WDR1: variants seen among roughly 807,000 people sequenced by gnomAD.
WDR1 encodes the protein WD repeat-containing protein 1.
Under a neutral mutation model 71.9 loss-of-function variants are expected in WDR1, and 21 were observed. The ratio of observed to expected loss-of-function variants is 0.29; its 90% CI spans 0.21 to 0.42. The LOEUF (loss-of-function observed/expected upper bound fraction) is 0.42, where lower values mean the gene tolerates loss of function less well. WDR1 is among the 10% of genes least tolerant of loss of function. The pLI, the probability that WDR1 is intolerant of heterozygous loss-of-function variation, is 1.00. For missense variants in WDR1, 696 were observed against 824.5 expected (o/e 0.84, Z 1.91); for synonymous variants, 424 against 347.4 (o/e 1.22, Z -2.45).
intron 2 of WDR1, among the ~76,000 whole-genome samples, chr4:10,105,511 C>T (rs1345535691): frequency 6.6e-6 from 1 of 152,160 alleles, no homozygotes; most frequent in East Asian, 1.9e-4. Context: ...CAAGTAAGCA[C>T]ATGAAAAAGC....
rs937203046 is a variant in WDR1, at chr4:10,077,526, C to A, written c.1570-78G>T. 2.9e-5 allele frequency: 46 copies of A among 1,594,826 alleles called. No individual in the cohort carries two copies. The African/African-American group carries it at 5.8e-4, about 20-fold the overall frequency. ...TGCCCATATCACCTCGCTTATCCCT[C>A]ATGGCGACAATAAGGACCGAGGTTT... is the stretch of plus-strand genomic sequence containing the variant. On this transcript the variant is annotated intron_variant, in intron 13 of 14. Coordinates refer to ENST00000499869, the MANE Select transcript of WDR1 (RefSeq NM_017491.5).
At chr4:10,103,119 A>G (rs1171187466) in intron 3 of WDR1, among the ~76,000 whole-genome samples, 1 of 152,170 alleles carries the variant, frequency 6.6e-6, no homozygotes, top group African/African-American at 2.4e-5. Flanking sequence ...CTAGCCTCCC[A>G]CTGAGCCACA....
In WDR1 at chr4:10,116,790, G is replaced by T; in HGVS notation, c.-124C>A. 8.8e-7 allele frequency: 1 copy of T among 1,135,434 alleles called. No individual in the cohort carries two copies. Among genetic ancestry groups the T allele is most frequent in the Non-Finnish European group, 1.1e-6 (1 of 901,528 alleles). 70.3% of individuals were successfully genotyped at this position (1,135,434 alleles called of 1,614,324 possible). A position where few individuals can be genotyped will look rare whatever the true frequency, so the allele number is the denominator to read the frequency against. On this transcript the variant is annotated 5_prime_UTR_variant, in exon 1 of 15. Transcript: ENST00000499869. Reference sequence around the variant, plus strand: ...CCGGAAGGCGGCACCGGGCGTGCCGGGAGTGGAGTGGGCGGTCCGAGGCCG... The same window carrying T: ...CCGGAAGGCGGCACCGGGCGTGCCGTGAGTGGAGTGGGCGGTCCGAGGCCG...
Position 10,104,795 on chromosome 4 carries a change from C to T in WDR1, c.139-809G>A, listed in dbSNP as rs1472371496. ...TAAAGACATGGCCATCTAATCTCTG[C>T]TACCTACTGTCAGCTTTTTACAAAC... On this transcript the variant is annotated intron_variant, in intron 2 of 14. Coordinates refer to ENST00000499869, the MANE Select transcript of WDR1 (RefSeq NM_017491.5). Among the ~76,000 whole-genome samples, 3 of 152,216 alleles carry T rather than the reference C, an allele frequency of 2.0e-5. 1 individual carries two copies. The highest frequency in any genetic ancestry group is 4.4e-5 in the Non-Finnish European group (3 of 68,038).
At chr4:10,081,496 A>G (rs1765012612) in intron 10 of WDR1, 52 bp from the exon 11 acceptor site, 4 of 1,541,026 alleles carry the variant, frequency 2.6e-6, no homozygotes, top group Non-Finnish European at 3.6e-6. Context: ...AGCTCAGGGT[A>G]GGTATGCATA....
intron 8 of WDR1, among the ~76,000 whole-genome samples, chr4:10,086,344 G>C (rs986408943): frequency 6.6e-6 from 1 of 152,214 alleles, no homozygotes; most frequent in African/African-American, 2.4e-5. Flanking sequence ...GCCACGTCTA[G>C]TGAACCTTTA....
At chr4:10,107,746 C>A (rs1013330156) in intron 2 of WDR1, among the ~76,000 whole-genome samples, 1 of 152,120 alleles carries the variant, frequency 6.6e-6, no homozygotes, top group African/African-American at 2.4e-5. Context: ...AGTCCGGGGG[C>A]CTCTGAGGAC....
chr4:10,108,031 T>G (rs1353323263), intron 2 of WDR1, among the ~76,000 whole-genome samples: 1 of 152,214 alleles, frequency 6.6e-6, no homozygotes, highest in African/African-American at 2.4e-5. Context: ...CTGAGAATCC[T>G]GTTGAATGGC....
chr4:10,079,104 T>G, intron 11 of WDR1, 103 bp from the exon 12 acceptor site: 1 of 912,908 alleles, frequency 1.1e-6, no homozygotes, highest in East Asian at 2.9e-5. Flanking sequence ...GGAGCTGGGT[T>G]TGGCTCCATA....
chr4:10,109,691 G>A (rs963910901), intron 2 of WDR1, among the ~76,000 whole-genome samples: 1 of 152,196 alleles, frequency 6.6e-6, no homozygotes, highest in Non-Finnish European at 1.5e-5. Context: ...CACCACCTCC[G>A]TTTTCAGTCT....
Position 10,116,192 on chromosome 4 carries a change from G to A in WDR1, c.59C>T (p.Ser20Phe), listed in dbSNP as rs1483334036. Residue 20 changes from serine (S) to phenylalanine (F), a missense_variant, in exon 2 of 15, where the codon TCC becomes TTC. Physicochemically the swap from Ser to Phe is radical, Grantham distance 155. Coordinates refer to ENST00000499869, the MANE Select transcript of WDR1 (RefSeq NM_017491.5). ...CTTAGGGTCGCCGCCGATGATCTTGGAGACGCCCCTCTCCACCTGCGGGAG... is the reference window on the plus strand; with the variant it reads ...CTTAGGGTCGCCGCCGATGATCTTGAAGACGCCCCTCTCCACCTGCGGGAG... ...ASLPQVERGVSKIIGGDPKGN... is the reference protein window; with the variant it reads ...ASLPQVERGVFKIIGGDPKGN... 3.1e-6 allele frequency: 5 copies of A among 1,613,668 alleles called. No homozygotes were observed. Among genetic ancestry groups the A allele is most frequent in the South Asian group, 2.2e-5 (2 of 91,076 alleles).
At chr4:10,094,744 T>C (rs561341328) in intron 5 of WDR1, 161 of 152,306 alleles carry the variant, frequency 1.1e-3, no homozygotes, top group African/African-American at 3.6e-3. Context: ...AGGCCAAATG[T>C]TCCTCCACTC....
At chr4:10,110,613 G>C (rs62288544) in intron 2 of WDR1, among the ~76,000 whole-genome samples, 100,975 of 151,970 alleles carry the variant, frequency 0.66, 34,516 homozygotes, top group Middle Eastern at 0.76. Flanking sequence ...CTCAAATGTG[G>C]CACTTCTCCA....
chr4:10,097,959 C>A, intron 4 of WDR1, 68 bp from the exon 5 acceptor site: 1 of 1,442,742 alleles, frequency 6.9e-7, no homozygotes, highest in Non-Finnish European at 9.2e-7. Flanking sequence ...GGCTGGTAAG[C>A]AATCTGATAG....
chr4:10,083,229 C>T (rs1345285486), intron 9 of WDR1, 51 bp from the exon 10 acceptor site: 2 of 1,583,086 alleles, frequency 1.3e-6, no homozygotes, highest in Non-Finnish European at 1.7e-6. Flanking sequence ...TGGGTGTTCT[C>T]AGGTGTGGCT....
chr4:10,093,958 G>T lies in WDR1; in HGVS notation c.558+3753C>A, dbSNP rs891209847. Among the ~76,000 whole-genome samples, 43 of 152,358 alleles carry T rather than the reference G, an allele frequency of 2.8e-4. 1 individual carries two copies. Among genetic ancestry groups the T allele is most frequent in the Admixed American group, 2.0e-3 (31 of 15,310 alleles). ...ATCTATCAGGAAGGCAGCACTTCCG[G>T]TAACAGCCACAGCTGAGGTTTCCAG... On this transcript the variant is annotated intron_variant, in intron 5 of 14. Coordinates refer to ENST00000499869, the MANE Select transcript of WDR1 (RefSeq NM_017491.5).
intron 9 of WDR1, 39 bp downstream of exon 9, chr4:10,084,404 C>A: frequency 6.3e-7 from 1 of 1,585,510 alleles, no homozygotes; most frequent in Non-Finnish European, 8.6e-7. Context: ...CCCCCTAGAG[C>A]CAGCGGCTCC....
chr4:10,109,761 T>C (rs546769905), intron 2 of WDR1, among the ~76,000 whole-genome samples: 2 of 152,248 alleles, frequency 1.3e-5, no homozygotes, highest in South Asian at 2.1e-4. Context: ...GTTGCAAAGG[T>C]AGACCTGGGG....
intron 2 of WDR1, among the ~76,000 whole-genome samples, chr4:10,111,538 G>A (rs1317016643): frequency 6.6e-6 from 1 of 152,192 alleles, no homozygotes; most frequent in Non-Finnish European, 1.5e-5. Context: ...CTGCCACCTA[G>A]AGTTTATTTC....
Sources: gnomAD v4.1 joint callset for allele counts (sites outside exome capture counted in the v4.1 genomes callset) on GRCh38, gnomAD v4.1.1 for gene constraint, MANE v1.5 for transcripts, NCBI Gene and HGNC (gene_info 2026-07-23, HGNC 2026-07-21) for gene names.